The following ITPR2 variants were observed in gnomAD, a reference collection of about 807,000 sequenced individuals.
The protein encoded by ITPR2 is inositol 1,4,5-trisphosphate-gated calcium channel ITPR2.
A neutral mutation model predicts 317.1 loss-of-function variants in ITPR2; 207 were observed. That is an observed-to-expected ratio of 0.65 (90% CI 0.58 to 0.73). The LOEUF (loss-of-function observed/expected upper bound fraction) is 0.73, where lower values mean the gene tolerates loss of function less well. Ranked by LOEUF, ITPR2 falls within the 30% of genes least tolerant of loss-of-function variation. The pLI is 0.00. For missense variants in ITPR2, 2,613 were observed against 3,284.0 expected, an observed-to-expected ratio of 0.80 and a Z score of 4.99; for synonymous variants, 1,156 against 1,149.1, an observed-to-expected ratio of 1.01 and a Z score of -0.12.
chr12:26,566,785 A>G (rs1944996850), intron 34 of ITPR2, among the ~76,000 whole-genome samples: 1 of 152,152 alleles, frequency 6.6e-6, no homozygotes, highest in Admixed American at 6.6e-5. Context: ...CAAAGCATGC[A>G]ATATCTCTGT....
At chr12:26,567,811 A>G (rs74721265) in intron 34 of ITPR2, among the ~76,000 whole-genome samples, 9,037 of 151,030 alleles carry the variant, frequency 0.06, 328 homozygotes, top group Middle Eastern at 0.11. Flanking sequence ...AATTATGTCT[A>G]AAAAATGAAA....
chr12:26,622,203 T>G (rs1451745364), intron 25 of ITPR2, 37 bp downstream of exon 25: 2 of 1,575,524 alleles, frequency 1.3e-6, no homozygotes, highest in Middle Eastern at 3.4e-4. Flanking sequence ...CTTTCAGAGC[T>G]TTTGCTGTGG....
At chr12:26,535,695 A>T (rs1944070466) in intron 37 of ITPR2, among the ~76,000 whole-genome samples, 1 of 152,216 alleles carries the variant, frequency 6.6e-6, no homozygotes, top group African/African-American at 2.4e-5. Flanking sequence ...TGAGCAAAAG[A>T]AAAAGGAGAT....
At chr12:26,417,651 T>C (rs1940762551) in intron 50 of ITPR2, among the ~76,000 whole-genome samples, 2 of 152,176 alleles carry the variant, frequency 1.3e-5, no homozygotes, top group Admixed American at 6.6e-5. Context: ...CCCAGCCATG[T>C]GGAACTGTGA....
Position 26,387,427 on chromosome 12 carries a change from C to A in ITPR2, c.7857+7G>T. The A allele has an allele frequency of 6.2e-7, 1 of 1,612,566 alleles. No individual in the cohort carries two copies. The highest frequency in any genetic ancestry group is 1.1e-5 in the South Asian group (1 of 90,884). ...TAGTCACAAATTAAAACCTTCTGGT[C>A]ACTCACCACAATCATTTGAGCCACA... On this transcript the variant is annotated splice_region_variant and intron_variant, in intron 55 of 56. Coordinates refer to ENST00000381340, the MANE Select transcript of ITPR2 (RefSeq NM_002223.4).
intron 34 of ITPR2, among the ~76,000 whole-genome samples, chr12:26,565,839 GTAGAGA>G (rs1944945290): frequency 8.5e-6 from 1 of 118,090 alleles, no homozygotes; most frequent in Non-Finnish European, 1.7e-5. Flanking sequence ...GGAGAGGAGA[GTAGAGA>G]GGAGAGGAGA....
At chr12:26,822,172 A>G (rs1950947282) in intron 1 of ITPR2, among the ~76,000 whole-genome samples, 1 of 152,238 alleles carries the variant, frequency 6.6e-6, no homozygotes, top group South Asian at 2.1e-4. Flanking sequence ...GATAATCAAT[A>G]TATAATAAAA....
chr12:26,610,808 A>G (rs1946245686), intron 26 of ITPR2, among the ~76,000 whole-genome samples: 1 of 152,188 alleles, frequency 6.6e-6, no homozygotes, highest in Non-Finnish European at 1.5e-5. Context: ...GCCATGTGCC[A>G]TGCAATAGTG....
chr12:26,353,972 T>C (rs1938556439), intron 55 of ITPR2, among the ~76,000 whole-genome samples: 1 of 151,894 alleles, frequency 6.6e-6, no homozygotes, highest in Non-Finnish European at 1.5e-5. Context: ...AATGCAAAAA[T>C]AGAATTAAAA....
intron 41 of ITPR2, among the ~76,000 whole-genome samples, chr12:26,485,628 T>A (rs932440788): frequency 1.3e-5 from 2 of 152,230 alleles, no homozygotes; most frequent in Non-Finnish European, 2.9e-5. Context: ...GTATCCACCT[T>A]CACTCTGGTT....
chr12:26,646,623 G>A (rs1383445129), intron 21 of ITPR2, among the ~76,000 whole-genome samples: 2 of 152,128 alleles, frequency 1.3e-5, no homozygotes, highest in Admixed American at 1.3e-4. Flanking sequence ...CCTGGGTTGG[G>A]TCCACAGGGC....
At chr12:26,432,354 TTA>T (rs1449818461) in intron 48 of ITPR2, among the ~76,000 whole-genome samples, 4 of 152,316 alleles carry the variant, frequency 2.6e-5, no homozygotes, top group South Asian at 4.1e-4. Flanking sequence ...GTCTGAAATT[TTA>T]TCAGTTAATT....
chr12:26,605,120 A>AAAAT (rs1465336732), intron 26 of ITPR2, among the ~76,000 whole-genome samples: 1,181 of 104,228 alleles, frequency 0.011, 14 homozygotes, highest in African/African-American at 0.035. Flanking sequence ...AAAAATAAAA[A>AAAAT]ATAAAAATAT....
At chr12:26,735,038 T>C (rs1949094049) in intron 2 of ITPR2, among the ~76,000 whole-genome samples, 2 of 148,250 alleles carry the variant, frequency 1.3e-5, no homozygotes, top group African/African-American at 2.5e-5. Flanking sequence ...TTCGCTCTTG[T>C]TGACCAAGCC....
intron 9 of ITPR2, among the ~76,000 whole-genome samples, chr12:26,697,847 A>G (rs1159368598): frequency 6.6e-6 from 1 of 151,316 alleles, no homozygotes; most frequent in Non-Finnish European, 1.5e-5. Context: ...TATAAATAAT[A>G]CAATATAAGA....
Position 26,602,401 on chromosome 12 carries a change from A to G in ITPR2, c.3647T>C (p.Val1216Ala), listed in dbSNP as rs754335213. Residue 1216 changes from valine (V) to alanine (A), a missense_variant, in exon 28 of 57, where the codon GTG becomes GCG. This residue lies in a region of ITPR2 where 817 missense variants were observed against 897.6 expected (regional missense o/e 0.91). Coordinates refer to ENST00000381340, the MANE Select transcript of ITPR2 (RefSeq NM_002223.4). ...ATAGGGTATCTGCAGAAGATCCAAC[A>G]CCACCGAATGCGCCCCCATATTTTT... ...LLKNMGAHSV[V>A]LDLLQIPYEK... 5.6e-5 allele frequency: 91 copies of G among 1,613,698 alleles called. No homozygotes were observed. The highest frequency in any genetic ancestry group is 1.1e-5 in the Non-Finnish European group (13 of 1,179,784).
chr12:26,613,531 G>A (rs1946316384), intron 26 of ITPR2, among the ~76,000 whole-genome samples: 1 of 151,218 alleles, frequency 6.6e-6, no homozygotes, highest in East Asian at 1.9e-4. Context: ...TACCTAATAA[G>A]CTGGATTCTG....
At chr12:26,603,236 T>C (rs1015919308) in intron 26 of ITPR2, among the ~76,000 whole-genome samples, 2 of 152,002 alleles carry the variant, frequency 1.3e-5, no homozygotes, top group African/African-American at 2.4e-5. Flanking sequence ...CGGGCCAACA[T>C]ACAGAACCAT....
At chr12:26,592,534 C>T (rs1945733095) in intron 32 of ITPR2, among the ~76,000 whole-genome samples, 1 of 152,168 alleles carries the variant, frequency 6.6e-6, no homozygotes, top group Non-Finnish European at 1.5e-5. Flanking sequence ...TAAATATATA[C>T]AGCTACTATT....
Sources: gnomAD v4.1 joint callset for allele counts (sites outside exome capture counted in the v4.1 genomes callset) on GRCh38, gnomAD v4.1.1 for gene constraint, gnomAD v4.1.1 regional missense constraint, MANE v1.5 for transcripts, NCBI Gene and HGNC (gene_info 2026-07-23, HGNC 2026-07-21) for gene names.